The following LRRC4C variants were observed in gnomAD, a reference collection of about 807,000 sequenced individuals.
LRRC4C encodes leucine-rich repeat-containing protein 4C.
LRRC4C carries 5 observed loss-of-function variants against 33.6 expected under a neutral mutation model. The ratio of observed to expected loss-of-function variants is 0.15; its 90% CI spans 0.08 to 0.31. The LOEUF (loss-of-function observed/expected upper bound fraction) is 0.31. Ranked by LOEUF, LRRC4C falls within the 10% of genes least tolerant of loss-of-function variation. The pLI, the probability that LRRC4C is intolerant of heterozygous loss-of-function variation, is 1.00. For synonymous variants in LRRC4C, 329 were observed against 302.0 expected, an observed-to-expected ratio of 1.09 and a Z score of -0.93; for missense variants, 560 against 796.7, an observed-to-expected ratio of 0.70 and a Z score of 3.58.
At chr11:40,926,162 T>G in intron 2 of LRRC4C, among the ~76,000 whole-genome samples, 1 of 152,086 alleles carries the variant, frequency 6.6e-6, no homozygotes, top group East Asian at 1.9e-4. Flanking sequence ...TTAGTACAAA[T>G]GCCAAATTCA....
At position 40,234,140 on chromosome 11, in the gene LRRC4C, A is replaced by G. The variant is rs535536635; in HGVS notation, c.-96+7379T>C. Among the ~76,000 whole-genome samples the G allele has an allele frequency of 8.5e-5, 13 of 152,346 alleles. No homozygotes were observed. The South Asian group carries it at 2.5e-3, about 29-fold the overall frequency. On this transcript the variant is annotated intron_variant, in intron 5 of 6. Transcript: ENST00000528697. ...CTCTTTTTAACACCTGCTAAGCAGC[A>G]GTATTTAAGGGTCCCCAAAGAACAT...
chr11:41,265,847 G>C (rs1162203149), intron 1 of LRRC4C, among the ~76,000 whole-genome samples: 1 of 147,554 alleles, frequency 6.8e-6, no homozygotes, highest in African/African-American at 2.5e-5. Flanking sequence ...CTAGAAGCAG[G>C]GATGTAATGC....
chr11:40,373,990 A>T (rs2137283003), intron 3 of LRRC4C, among the ~76,000 whole-genome samples: 1 of 152,324 alleles, frequency 6.6e-6, no homozygotes, highest in African/African-American at 2.4e-5. Flanking sequence ...CTTATCAAAG[A>T]TGCTCAAATA....
intron 2 of LRRC4C, among the ~76,000 whole-genome samples, chr11:40,918,513 C>T (rs920806028): frequency 2.0e-5 from 3 of 152,016 alleles, no homozygotes; most frequent in Admixed American, 6.6e-5. Flanking sequence ...CAGGTGTCTA[C>T]TAGATGCATC....
intron 3 of LRRC4C, among the ~76,000 whole-genome samples, chr11:40,452,179 T>C (rs1457417115): frequency 1.3e-5 from 2 of 151,776 alleles, no homozygotes; most frequent in African/African-American, 4.8e-5. Flanking sequence ...AATTGACAAA[T>C]GGGATCTCAT....
intron 4 of LRRC4C, among the ~76,000 whole-genome samples, chr11:40,315,071 G>T: frequency 6.6e-6 from 1 of 151,890 alleles, no homozygotes; most frequent in East Asian, 1.9e-4. Context: ...TCAACAAGAA[G>T]AAATAATAAA....
At chr11:41,312,779 T>C (rs1950678838) in intron 1 of LRRC4C, among the ~76,000 whole-genome samples, 2 of 152,178 alleles carry the variant, frequency 1.3e-5, no homozygotes, top group South Asian at 4.1e-4. Flanking sequence ...CAGCAGAGTC[T>C]CAAGTAACAA....
intron 3 of LRRC4C, among the ~76,000 whole-genome samples, chr11:40,405,961 T>G (rs1354871583): frequency 6.6e-6 from 1 of 151,892 alleles, no homozygotes; most frequent in Non-Finnish European, 1.5e-5. Flanking sequence ...TCTGTATGGT[T>G]TCATAGGTAA....
chr11:40,638,535 C>T (rs1016629050), intron 3 of LRRC4C, among the ~76,000 whole-genome samples: 19 of 152,060 alleles, frequency 1.2e-4, no homozygotes, highest in South Asian at 2.1e-4. Flanking sequence ...GACAATGCCT[C>T]GGACATAGTA....
At chr11:40,701,447 A>G (rs2136489044) in intron 2 of LRRC4C, among the ~76,000 whole-genome samples, 1 of 151,832 alleles carries the variant, frequency 6.6e-6, no homozygotes, top group Non-Finnish European at 1.5e-5. Context: ...GTGAAGGTGG[A>G]AAAAAAATAA....
chr11:40,336,976 C>CAAAAAAAAAAAAAA (rs34144874), intron 3 of LRRC4C, among the ~76,000 whole-genome samples: 1 of 79,276 alleles, frequency 1.3e-5, no homozygotes, highest in African/African-American at 7.8e-5. Flanking sequence ...GACTTCGTCT[C>CAAAAAAAAAAAAAA]AAAAAAAAAA....
intron 2 of LRRC4C, among the ~76,000 whole-genome samples, chr11:40,868,600 A>G (rs1954484422): frequency 1.3e-5 from 2 of 152,144 alleles, no homozygotes; most frequent in Non-Finnish European, 2.9e-5. Context: ...TTCCCTGCCC[A>G]ACCCCTAAAG....
intron 1 of LRRC4C, among the ~76,000 whole-genome samples, chr11:41,137,692 GA>G (rs1211645175): frequency 1.3e-5 from 2 of 151,992 alleles, no homozygotes; most frequent in Non-Finnish European, 2.9e-5. Flanking sequence ...AACATGTGGA[GA>G]AAAAAATATA....
intron 2 of LRRC4C, among the ~76,000 whole-genome samples, chr11:40,910,233 A>G (rs1397095819): frequency 2.0e-5 from 3 of 152,198 alleles, no homozygotes; most frequent in Admixed American, 1.3e-4. Flanking sequence ...CATGAGTGTT[A>G]TAAGAGATGG....
intron 3 of LRRC4C, among the ~76,000 whole-genome samples, chr11:40,590,068 A>G (rs1958965851): frequency 6.6e-6 from 1 of 151,494 alleles, no homozygotes; most frequent in Non-Finnish European, 1.5e-5. Flanking sequence ...TATCCTGCAG[A>G]GTGTTTTCCA....
intron 3 of LRRC4C, among the ~76,000 whole-genome samples, chr11:40,610,009 C>T (rs1332927007): frequency 2.0e-5 from 3 of 151,744 alleles, no homozygotes; most frequent in African/African-American, 4.8e-5. Flanking sequence ...TCCAAAAAAT[C>T]GAAAAAGAGG....
chr11:40,130,384 G>A (rs1565027399), intron 6 of LRRC4C, among the ~76,000 whole-genome samples: 1 of 151,900 alleles, frequency 6.6e-6, no homozygotes, highest in Non-Finnish European at 1.5e-5. Context: ...AAGTTCAAGG[G>A]CCATTTAATG....
chr11:40,296,864 C>A (rs2136634457), intron 4 of LRRC4C, among the ~76,000 whole-genome samples: 1 of 152,180 alleles, frequency 6.6e-6, no homozygotes, highest in Admixed American at 6.5e-5. Context: ...CCCATTAGCC[C>A]ATCTAGTTAC....
chr11:40,353,078 T>C (rs1425969684), intron 3 of LRRC4C, among the ~76,000 whole-genome samples: 3 of 152,328 alleles, frequency 2.0e-5, no homozygotes, highest in Non-Finnish European at 2.9e-5. Context: ...TAAATCTTCT[T>C]GGTGCTCTAT....
Sources: allele counts gnomAD v4.1 joint callset (sites outside exome capture counted in the v4.1 genomes callset), GRCh38; gene constraint gnomAD v4.1.1; transcripts MANE v1.5; gene names NCBI Gene and HGNC (gene_info 2026-07-23, HGNC 2026-07-21).